ZMAT3: variants seen among roughly 807,000 people sequenced by gnomAD.
ZMAT3 encodes the protein zinc finger matrin-type protein 3.
In ZMAT3, 17 loss-of-function variants were observed where a neutral mutation model predicts 32.3. The ratio of observed to expected loss-of-function variants is 0.53; its 90% CI spans 0.36 to 0.79. ZMAT3 has a LOEUF of 0.79. ZMAT3 is among the 30% of genes least tolerant of loss of function. ZMAT3 has a pLI of 0.00. For missense variants in ZMAT3, 329 were observed against 359.7 expected, an observed-to-expected ratio of 0.91 and a Z score of 0.69; for synonymous variants, 120 against 133.1, an observed-to-expected ratio of 0.90 and a Z score of 0.68.
chr3:179,050,998 A>C (rs898791656), intron 2 of ZMAT3, among the ~76,000 whole-genome samples: 1 of 152,204 alleles, frequency 6.6e-6, no homozygotes, highest in South Asian at 2.1e-4. Flanking sequence ...AAGGTAATAA[A>C]AGCCATCTAT....
In ZMAT3 at chr3:179,017,904, A is replaced by C. The variant is rs914293543; in HGVS notation, c.*7113T>G. ...GACATACTCCAGTAAGGCATTTCAA[A>C]GCAGACACATCATACCCAAACTAAA... is the stretch of plus-strand genomic sequence containing the variant. On this transcript the variant is annotated 3_prime_UTR_variant, in exon 6 of 6. Transcript: ENST00000311417. The C allele has an allele frequency of 6.6e-6, 1 of 152,206 alleles. No individual in the cohort carries two copies. The highest frequency in any genetic ancestry group is 2.4e-5 in the African/African-American group (1 of 41,464). The allele number at this position is 152,206 out of a possible 1,614,324, so 9.4% of individuals were successfully genotyped here.
At chr3:179,025,264 T>C (rs1451109043) in intron 5 of ZMAT3, 36 bp from the exon 6 acceptor site, 1 of 1,505,380 alleles carries the variant, frequency 6.6e-7, no homozygotes, top group South Asian at 1.2e-5. Context: ...ATTCAAAATA[T>C]TCATTAAGTG....
At chr3:179,060,217 A>C (rs1459970912) in intron 2 of ZMAT3, among the ~76,000 whole-genome samples, 1 of 137,782 alleles carries the variant, frequency 7.3e-6, no homozygotes, top group African/African-American at 2.7e-5. Flanking sequence ...ACAAAAAAAG[A>C]ATGATAAAAG....
In ZMAT3 at chr3:179,024,748, A is replaced by G; in HGVS notation, c.*269T>C. Reference sequence around the variant, plus strand: ...TGAGCAAGATAAAAAGTTATTTCTGATGGGGTAGGTAGGTCACATGCTATG... The same window carrying G: ...TGAGCAAGATAAAAAGTTATTTCTGGTGGGGTAGGTAGGTCACATGCTATG... On this transcript the variant is annotated 3_prime_UTR_variant, in exon 6 of 6. Transcript: ENST00000311417. 1 of 366,710 alleles carries G rather than the reference A, an allele frequency of 2.7e-6. No individual in the cohort carries two copies. The highest frequency in any genetic ancestry group is 5.0e-6 in the Non-Finnish European group (1 of 198,270). The allele number at this position is 366,710 out of a possible 1,614,324, so 22.7% of individuals were successfully genotyped here. A position where few individuals can be genotyped will look rare whatever the true frequency, so the allele number is the denominator to read the frequency against.
intron 2 of ZMAT3, among the ~76,000 whole-genome samples, chr3:179,037,526 T>C (rs562733055): frequency 6.6e-6 from 1 of 152,050 alleles, no homozygotes; most frequent in Non-Finnish European, 1.5e-5. Flanking sequence ...CCTGCCAGGC[T>C]GAGTGGGCGG....
At chr3:179,038,443 T>C (rs1719725774) in intron 2 of ZMAT3, among the ~76,000 whole-genome samples, 1 of 152,062 alleles carries the variant, frequency 6.6e-6, no homozygotes, top group Admixed American at 6.5e-5. Flanking sequence ...GCAGGCATGG[T>C]GGTGCAAACC....
At chr3:179,059,816 TGA>T (rs1383625739) in intron 2 of ZMAT3, among the ~76,000 whole-genome samples, 1 of 152,102 alleles carries the variant, frequency 6.6e-6, no homozygotes, top group African/African-American at 2.4e-5. Flanking sequence ...GTTTTCCTGT[TGA>T]GAGGGGGGAC....
chr3:179,070,209 A>C (rs557119699), intron 1 of ZMAT3, among the ~76,000 whole-genome samples: 1 of 152,342 alleles, frequency 6.6e-6, no homozygotes, highest in African/African-American at 2.4e-5. Context: ...GACTTGTTTT[A>C]TGAAAGCTCA....
chr3:179,054,802 C>T (rs1720749668), intron 2 of ZMAT3, among the ~76,000 whole-genome samples: 1 of 152,242 alleles, frequency 6.6e-6, no homozygotes, highest in South Asian at 2.1e-4. Flanking sequence ...CACTGTGCTC[C>T]TGATCCAGCG....
chr3:179,031,324 A>T (rs530795701), intron 2 of ZMAT3, among the ~76,000 whole-genome samples: 2 of 151,068 alleles, frequency 1.3e-5, no homozygotes, highest in South Asian at 2.1e-4. Context: ...TCCTATGGAT[A>T]AAAAAAAATG....
At chr3:179,061,980 AAGG>A (rs1223611417) in intron 2 of ZMAT3, among the ~76,000 whole-genome samples, 5 of 152,326 alleles carry the variant, frequency 3.3e-5, no homozygotes, top group East Asian at 1.9e-4. Context: ...GGGAGTCAGA[AAGG>A]AGAAGAGAAT....
chr3:179,053,973 CTG>C (rs1720703989), intron 2 of ZMAT3, among the ~76,000 whole-genome samples: 1 of 152,168 alleles, frequency 6.6e-6, no homozygotes, highest in African/African-American at 2.4e-5. Flanking sequence ...TCATTTGAAT[CTG>C]TGTTAAATTC....
At chr3:179,040,660 C>T (rs1014770766) in intron 2 of ZMAT3, among the ~76,000 whole-genome samples, 2 of 152,186 alleles carry the variant, frequency 1.3e-5, no homozygotes, top group African/African-American at 4.8e-5. Context: ...TATGAAAAAA[C>T]TGCATCAATT....
chr3:179,049,855 G>A (rs1720447432), intron 2 of ZMAT3, among the ~76,000 whole-genome samples: 1 of 151,880 alleles, frequency 6.6e-6, no homozygotes, highest in Non-Finnish European at 1.5e-5. Context: ...AGCTGGGCGT[G>A]GTGGTGGGCG....
intron 2 of ZMAT3, among the ~76,000 whole-genome samples, chr3:179,062,860 G>C (rs1173747707): frequency 6.6e-6 from 1 of 152,160 alleles, no homozygotes; most frequent in African/African-American, 2.4e-5. Flanking sequence ...AGGTCCTACA[G>C]CAAGTTACTA....
chr3:179,040,604 G>A (rs535988638), intron 2 of ZMAT3, among the ~76,000 whole-genome samples: 1 of 143,500 alleles, frequency 7.0e-6, no homozygotes, highest in South Asian at 2.2e-4. Flanking sequence ...GAAACAACCG[G>A]TAACAACCAC....
At position 179,022,921 on chromosome 3, in the gene ZMAT3, T is replaced by C. The variant is rs1188146918; in HGVS notation, c.*2096A>G. ...TTTGCCTTCCCCAATTTTTTTTGCC[T>C]ACAGAATTATCAAGAAAAAATAGAA... On this transcript the variant is annotated 3_prime_UTR_variant, in exon 6 of 6. Coordinates refer to ENST00000311417, the MANE Select transcript of ZMAT3 (RefSeq NM_022470.4). 2.0e-5 allele frequency: 3 copies of C among 152,140 alleles called. No individual in the cohort carries two copies. Among genetic ancestry groups the C allele is most frequent in the East Asian group, 3.8e-4 (2 of 5,206 alleles). The allele number at this position is 152,140 out of a possible 1,614,324, so 9.4% of individuals were successfully genotyped here.
In ZMAT3 at chr3:179,071,779, A is replaced by T. The variant is rs1170712893; in HGVS notation, c.-242T>A. 1.3e-5 allele frequency: 2 copies of T among 152,486 alleles called. No individual in the cohort carries two copies. The highest frequency in any genetic ancestry group is 4.8e-5 in the African/African-American group (2 of 41,432). The allele number at this position is 152,486 out of a possible 1,614,324, so 9.4% of individuals were successfully genotyped here. A position where few individuals can be genotyped will look rare whatever the true frequency, so the allele number is the denominator to read the frequency against. ...GACTGTCAAAAGTCAGTCCAACCCGACCCACAGGGAAACAGCTGCAGGAAG... is the reference window on the plus strand; with the variant it reads ...GACTGTCAAAAGTCAGTCCAACCCGTCCCACAGGGAAACAGCTGCAGGAAG... On this transcript the variant is annotated 5_prime_UTR_variant, in exon 1 of 6. Coordinates refer to ENST00000311417, the MANE Select transcript of ZMAT3 (RefSeq NM_022470.4).
chr3:179,025,373 T>C (rs1718812271), intron 5 of ZMAT3, 145 bp from the exon 6 acceptor site: 2 of 713,642 alleles, frequency 2.8e-6, no homozygotes, highest in Admixed American at 5.8e-5. Context: ...AGTTAATGGA[T>C]TTTTAAAATT....
Sources: gnomAD v4.1 joint callset for allele counts (sites outside exome capture counted in the v4.1 genomes callset) on GRCh38, gnomAD v4.1.1 for gene constraint, MANE v1.5 for transcripts, NCBI Gene and HGNC (gene_info 2026-07-23, HGNC 2026-07-21) for gene names.